The following SRGAP1 variants were observed in gnomAD, a reference collection of about 807,000 sequenced individuals.
SRGAP1 encodes SLIT-ROBO Rho GTPase-activating protein 1.
SRGAP1 carries 43 observed loss-of-function variants against 121.9 expected under a neutral mutation model. The ratio of observed to expected loss-of-function variants is 0.35; its 90% CI spans 0.28 to 0.46. The LOEUF (loss-of-function observed/expected upper bound fraction) is 0.46, where lower values mean the gene tolerates loss of function less well. Ranked by LOEUF, SRGAP1 falls within the 20% of genes least tolerant of loss-of-function variation. SRGAP1 has a pLI of 1.00. For missense variants in SRGAP1, 1,102 were observed against 1,350.9 expected (o/e 0.82, Z 2.89); for synonymous variants, 447 against 485.4 (o/e 0.92, Z 1.04).
chr12:63,874,886 GTCCTCTA>G (rs1266303503), intron 1 of SRGAP1, among the ~76,000 whole-genome samples: 2 of 151,994 alleles, frequency 1.3e-5, no homozygotes, highest in Non-Finnish European at 2.9e-5. Context: ...TTTAATGTTT[GTCCTCTA>G]TCCTCTATCG....
rs181552494 is a variant in SRGAP1 at position 63,867,994 on chromosome 12, T to C, written c.67+23111T>C. Among the ~76,000 whole-genome samples the C allele has an allele frequency of 9.6e-4, 129 of 134,056 alleles. 1 individual carries two copies. In the East Asian group the frequency reaches 0.027, roughly 29 times the overall value. The allele number at this position is 134,056 out of a possible 152,430, so 87.9% of individuals were successfully genotyped here. A position where few individuals can be genotyped will look rare whatever the true frequency, so the allele number is the denominator to read the frequency against. On this transcript the variant is annotated intron_variant, in intron 1 of 21. Transcript: ENST00000355086. ...AGACATTTTGTTACAATTTCTTACA[T>C]CATCATTAAGAGAATCTCAAGGGCT...
intron 1 of SRGAP1, among the ~76,000 whole-genome samples, chr12:63,914,518 TAATAA>T (rs964677985): frequency 1.1e-4 from 16 of 152,366 alleles, no homozygotes; most frequent in South Asian, 4.1e-4. Flanking sequence ...TTTATGAAGA[TAATAA>T]AATAATCTTT....
At position 63,913,769 on chromosome 12, in the gene SRGAP1, G is replaced by T. The variant is rs1167968465; in HGVS notation, c.67+68886G>T. Among the ~76,000 whole-genome samples the T allele has an allele frequency of 2.6e-5, 4 of 151,834 alleles. No individual in the cohort carries two copies. The East Asian group carries it at 7.7e-4, about 29-fold the overall frequency. On this transcript the variant is annotated intron_variant, in intron 1 of 21. Transcript: ENST00000355086. ...AAATAGGCACAAAAATTGAAGGTAA[G>T]CATTTAGACCTTGTATAGCAATTTA...
intron 1 of SRGAP1, among the ~76,000 whole-genome samples, chr12:63,891,991 AAAAAAAAAG>A (rs1387717796): frequency 2.4e-4 from 36 of 151,832 alleles, no homozygotes; most frequent in African/African-American, 3.4e-4. Context: ...CTCAAAAAAA[AAAAAAAAAG>A]AAAAAAAGAA....
At chr12:63,987,237 G>T (rs2033442699) in intron 2 of SRGAP1, among the ~76,000 whole-genome samples, 1 of 152,068 alleles carries the variant, frequency 6.6e-6, no homozygotes, top group Admixed American at 6.6e-5. Flanking sequence ...CTATATTCTG[G>T]AGTCTGGTTC....
At chr12:64,013,035 G>A (rs2034297216) in intron 3 of SRGAP1, among the ~76,000 whole-genome samples, 1 of 152,086 alleles carries the variant, frequency 6.6e-6, no homozygotes, top group Admixed American at 6.5e-5. Flanking sequence ...ACCACACCTG[G>A]CCTCACTTAT....
intron 1 of SRGAP1, among the ~76,000 whole-genome samples, chr12:63,859,346 T>G (rs1899366376): frequency 6.6e-6 from 1 of 151,958 alleles, no homozygotes; most frequent in African/African-American, 2.4e-5. Context: ...TTTGTATAAT[T>G]AGTAGAGATG....
chr12:63,908,376 T>G (rs1358653448), intron 1 of SRGAP1, among the ~76,000 whole-genome samples: 2 of 152,236 alleles, frequency 1.3e-5, no homozygotes, highest in Non-Finnish European at 2.9e-5. Flanking sequence ...AAATCTTCTT[T>G]AATATTTTTC....
chr12:64,126,466 CTCTTGATG>C (rs1454074082), intron 19 of SRGAP1, among the ~76,000 whole-genome samples: 1 of 152,240 alleles, frequency 6.6e-6, no homozygotes, highest in Non-Finnish European at 1.5e-5. Context: ...CAGTGCTCTT[CTCTTGATG>C]TCTGTTTACC....
At chr12:63,946,649 T>A (rs2032058752) in intron 1 of SRGAP1, among the ~76,000 whole-genome samples, 1 of 151,846 alleles carries the variant, frequency 6.6e-6, no homozygotes, top group South Asian at 2.1e-4. Context: ...GTTCAAGCAA[T>A]TCTTCTGCCT....
At chr12:63,954,172 C>T (rs561436158) in intron 1 of SRGAP1, among the ~76,000 whole-genome samples, 1 of 152,046 alleles carries the variant, frequency 6.6e-6, no homozygotes, top group South Asian at 2.1e-4. Flanking sequence ...AACTTTTTTT[C>T]CTCTGCCTAG....
chr12:64,089,789 G>A (rs1049655391), intron 11 of SRGAP1, among the ~76,000 whole-genome samples: 1 of 152,122 alleles, frequency 6.6e-6, no homozygotes, highest in African/African-American at 2.4e-5. Flanking sequence ...TGCTTGCTGT[G>A]CACCTTGTTC....
intron 6 of SRGAP1, among the ~76,000 whole-genome samples, chr12:64,061,466 A>G (rs2035449011): frequency 6.6e-6 from 1 of 152,218 alleles, no homozygotes; most frequent in African/African-American, 2.4e-5. Context: ...TATTGCACAA[A>G]TAAAACTTGA....
Position 64,145,954 on chromosome 12 carries a change from C to A in SRGAP1, c.*3282C>A, listed in dbSNP as rs1332727362. On this transcript the variant is annotated 3_prime_UTR_variant, in exon 22 of 22. Transcript: ENST00000355086. ...CAAAGATTACCTGACTCCACTGACA[C>A]AAGAATATGTATTCTCAGCTGATAT... 1 of 152,172 alleles carries A rather than the reference C, an allele frequency of 6.6e-6. No homozygotes were observed. Among genetic ancestry groups the A allele is most frequent in the Non-Finnish European group, 1.5e-5 (1 of 68,042 alleles). The allele number at this position is 152,172 out of a possible 1,614,324, so 9.4% of individuals were successfully genotyped here.
At chr12:64,033,006 T>C (rs2034816049) in intron 4 of SRGAP1, among the ~76,000 whole-genome samples, 1 of 152,162 alleles carries the variant, frequency 6.6e-6, no homozygotes, top group African/African-American at 2.4e-5. Flanking sequence ...AAAAATATTT[T>C]TTAAATCCCC....
At chr12:63,862,387 C>G (rs567128983) in intron 1 of SRGAP1, among the ~76,000 whole-genome samples, 1 of 152,216 alleles carries the variant, frequency 6.6e-6, no homozygotes, top group Admixed American at 6.5e-5. Flanking sequence ...TACAAACATT[C>G]CAGCAGTTCT....
At chr12:64,032,516 G>C in intron 4 of SRGAP1, 1 of 1,203,552 alleles carries the variant, frequency 8.3e-7, no homozygotes, top group Non-Finnish European at 1.2e-6. Context: ...CATGGAGCAG[G>C]CCTGGGCCAG....
At chr12:64,119,959 C>T (rs1421891231) in intron 18 of SRGAP1, among the ~76,000 whole-genome samples, 3 of 151,658 alleles carry the variant, frequency 2.0e-5, no homozygotes, top group Non-Finnish European at 2.9e-5. Context: ...TTAGAAGAGA[C>T]AGGGTTTCAC....
intron 6 of SRGAP1, among the ~76,000 whole-genome samples, chr12:64,045,735 G>A (rs558031710): frequency 1.3e-5 from 2 of 152,100 alleles, no homozygotes; most frequent in South Asian, 4.1e-4. Context: ...ACCGTGCCCA[G>A]CCCATCCAAA....
Sources: gnomAD v4.1 joint callset for allele counts (sites outside exome capture counted in the v4.1 genomes callset) on GRCh38, gnomAD v4.1.1 for gene constraint, MANE v1.5 for transcripts, NCBI Gene and HGNC (gene_info 2026-07-23, HGNC 2026-07-21) for gene names.